The following CDK12 variants were observed in gnomAD, a reference collection of about 807,000 sequenced individuals.
CDK12 encodes cyclin dependent kinase 12, also known as cyclin-dependent kinase 12.
A neutral mutation model predicts 133.8 loss-of-function variants in CDK12; 17 were observed. The observed-to-expected ratio is 0.13, with a 90% CI of 0.09 to 0.19. The LOEUF is 0.19. Ranked by LOEUF, CDK12 falls within the 10% of genes least tolerant of loss-of-function variation. CDK12 has a pLI of 1.00. For synonymous variants in CDK12, 694 were observed against 683.6 expected (o/e 1.02, Z -0.24); for missense variants, 1,508 against 1,818.7 (o/e 0.83, Z 3.11).
chr17:39,528,111 G>C (rs1314847383), intron 13 of CDK12, among the ~76,000 whole-genome samples: 1 of 150,942 alleles, frequency 6.6e-6, no homozygotes, highest in Non-Finnish European at 1.5e-5. Flanking sequence ...GTAGAGATGG[G>C]GTTTCACTGT....
rs1259100559 is a variant in CDK12 at position 39,471,423 on chromosome 17, A to G, written c.1591A>G (p.Thr531Ala). The change falls in exon 2 of 14, where the codon ACA (threonine) becomes GCA (alanine). Residue 531 changes from threonine (T) to alanine (A), a missense_variant. Thr to Ala is a moderately conservative substitution (Grantham distance 58, BLOSUM62 0). Coordinates refer to ENST00000447079, the MANE Select transcript of CDK12 (RefSeq NM_016507.4). ...AAAGGAGACCCCTCCACCTCTTCCCACAATTGCTTCTCCCCCACCCCCTCT... is the reference window on the plus strand; with the variant it reads ...AAAGGAGACCCCTCCACCTCTTCCCGCAATTGCTTCTCCCCCACCCCCTCT... Reference protein sequence around the residue: ...SEKETPPPLPTIASPPPPLPT... With the variant: ...SEKETPPPLPAIASPPPPLPT... The G allele has an allele frequency of 7.4e-6, 12 of 1,613,426 alleles. No homozygotes were observed. The highest frequency in any genetic ancestry group is 9.3e-6 in the Non-Finnish European group (11 of 1,179,568).
At position 39,462,590 on chromosome 17, in the gene CDK12, A is replaced by G. The variant is rs755955758; in HGVS notation, c.519A>G (p.Glu173=). The change falls in exon 1 of 14, where the codon GAA becomes GAG. Residue 173 remains glutamate (E), a synonymous_variant. Transcript: ENST00000447079. ...AGGTAGCCAAAAGCAGCAGCAAGGA[A>G]TCCAGGTCATCCAAGCTCCACAAGG... ...KAQVAKSSSK[E]SRSSKLHKEK... 1.4e-5 allele frequency: 22 copies of G among 1,614,030 alleles called. No homozygotes were observed. Among genetic ancestry groups the G allele is most frequent in the East Asian group, 6.7e-5 (3 of 44,888 alleles).
chr17:39,481,667 TC>T (rs1567706376), intron 2 of CDK12, among the ~76,000 whole-genome samples: 1 of 14,088 alleles, frequency 7.1e-5, no homozygotes, highest in African/African-American at 1.6e-4. Flanking sequence ...TCTCTCTCTC[TC>T]TCTCTCTCTC....
intron 2 of CDK12, among the ~76,000 whole-genome samples, chr17:39,479,923 GCT>G (rs755980517): frequency 2.5e-5 from 1 of 40,370 alleles, no homozygotes; most frequent in Non-Finnish European, 4.6e-5. Flanking sequence ...CACTGCACTG[GCT>G]TTTTTTTTTT....
intron 2 of CDK12, among the ~76,000 whole-genome samples, chr17:39,482,435 A>G (rs2050785136): frequency 6.6e-6 from 1 of 151,836 alleles, no homozygotes; most frequent in Non-Finnish European, 1.5e-5. Flanking sequence ...GGATTTTCCT[A>G]GTAGAATGGG....
In CDK12 at chr17:39,462,333, G is replaced by T. The variant is rs2049015614; in HGVS notation, c.262G>T (p.Ala88Ser). The change falls in exon 1 of 14, where the codon GCC (alanine) becomes TCC (serine). Residue 88 changes from alanine (A) to serine (S), a missense_variant. By Grantham distance (99) the Ala-to-Ser change is moderately conservative. Coordinates refer to ENST00000447079, the MANE Select transcript of CDK12 (RefSeq NM_016507.4). ...SDSDTFSDDM[A>S]FKLDRRENDE... is the part of the protein sequence containing the mutation. ...TTCCGACACCTTCTCCGATGACATGGCCTTCAAACTAGACCGAAGGGAGAA... is the reference window on the plus strand; with the variant it reads ...TTCCGACACCTTCTCCGATGACATGTCCTTCAAACTAGACCGAAGGGAGAA... 6.2e-7 allele frequency: 1 copy of T among 1,614,210 alleles called. No individual in the cohort carries two copies. The highest frequency in any genetic ancestry group is 8.5e-7 in the Non-Finnish European group (1 of 1,180,050).
chr17:39,536,905 A>G (rs2055157977), downstream of CDK12, among the ~76,000 whole-genome samples: 1 of 152,208 alleles, frequency 6.6e-6, no homozygotes, highest in East Asian at 1.9e-4. Context: ...TATAGCCATG[A>G]AATAAATTTA....
Position 39,462,829 on chromosome 17 carries a change from C to G in CDK12, c.758C>G (p.Ser253Cys). ...GQDYDLSPSR[S>C]HTSSNYDSYK... ...GATTATGACCTTAGTCCCTCACGATCTCATACCTCGAGCAATTATGACTCC... is the reference window on the plus strand; with the variant it reads ...GATTATGACCTTAGTCCCTCACGATGTCATACCTCGAGCAATTATGACTCC... Residue 253 changes from serine to cysteine, a missense_variant, in exon 1 of 14, where the codon TCT becomes TGT. By Grantham distance (112) the Ser-to-Cys change is moderately radical. Coordinates refer to ENST00000447079, the MANE Select transcript of CDK12 (RefSeq NM_016507.4). The G allele has an allele frequency of 1.2e-6, 2 of 1,614,198 alleles. No homozygotes were observed. The highest frequency in any genetic ancestry group is 1.7e-6 in the Non-Finnish European group (2 of 1,180,032).
chr17:39,532,645 A>G lies in CDK12; in HGVS notation c.*1329A>G, dbSNP rs1392704581. On this transcript the variant is annotated 3_prime_UTR_variant, in exon 14 of 14. Transcript: ENST00000447079. ...CATACTGTGAGGAAGAACAGTATTG[A>G]CATACCCACATCCCAGCATGTGTAC... 4.3e-6 allele frequency: 1 copy of G among 232,622 alleles called. No homozygotes were observed. The highest frequency in any genetic ancestry group is 5.6e-5 in the Admixed American group (1 of 17,756). 14.4% of individuals were successfully genotyped at this position (232,622 alleles called of 1,614,324 possible).
At chr17:39,474,897 G>A (rs1039904567) in intron 2 of CDK12, among the ~76,000 whole-genome samples, 34 of 149,494 alleles carry the variant, frequency 2.3e-4, no homozygotes, top group Admixed American at 9.5e-4. Flanking sequence ...GCAATGGCGC[G>A]ATCTCAGCTC....
At chr17:39,552,273 G>T (rs1336775208) in intron 2 of CDK12, among the ~76,000 whole-genome samples, 1 of 152,306 alleles carries the variant, frequency 6.6e-6, no homozygotes, top group East Asian at 1.9e-4. Context: ...GTGTCAGCAG[G>T]GGAGGAAGGC....
rs1432633469 is a variant in CDK12, at chr17:39,461,981, G to A, written c.-91G>A. ...CACCCCCTTCCCGGGGCGCTTTGGTGGGCGTGGAGTTGGGGTTGGGGGGGT... is the reference window on the plus strand; with the variant it reads ...CACCCCCTTCCCGGGGCGCTTTGGTAGGCGTGGAGTTGGGGTTGGGGGGGT... On this transcript the variant is annotated 5_prime_UTR_variant, in exon 1 of 14. Coordinates refer to ENST00000447079, the MANE Select transcript of CDK12 (RefSeq NM_016507.4). 9.6e-6 allele frequency: 10 copies of A among 1,038,520 alleles called. No homozygotes were observed. Among genetic ancestry groups the A allele is most frequent in the Non-Finnish European group, 1.4e-5 (10 of 718,912 alleles). 64.3% of individuals were successfully genotyped at this position (1,038,520 alleles called of 1,614,324 possible). A position where few individuals can be genotyped will look rare whatever the true frequency, so the allele number is the denominator to read the frequency against.
intron 12 of CDK12, among the ~76,000 whole-genome samples, chr17:39,525,167 A>G (rs541547582): frequency 2.6e-5 from 4 of 152,308 alleles, no homozygotes; most frequent in African/African-American, 9.6e-5. Flanking sequence ...AGGTAAGCCA[A>G]ATTTAATTTA....
downstream of CDK12, among the ~76,000 whole-genome samples, chr17:39,565,446 T>TA (rs1555595528): frequency 1.4e-4 from 21 of 150,032 alleles, no homozygotes; most frequent in Non-Finnish European, 2.7e-4. Flanking sequence ...TTTGTTTGTT[T>TA]AAAAAAAACG....
chr17:39,555,882 CACAA>C (rs1301911663), intron 2 of CDK12, among the ~76,000 whole-genome samples: 97 of 113,840 alleles, frequency 8.5e-4, no homozygotes, highest in African/African-American at 3.1e-3. Flanking sequence ...CACACACACA[CACAA>C]AGCCAGGTGT....
At chr17:39,544,464 CTT>C, upstream of CDK12, 2 of 201,250 alleles carry the variant, frequency 9.9e-6, no homozygotes, top group Non-Finnish European at 9.4e-6. Flanking sequence ...AAGTTTCTTT[CTT>C]TTTTTTTTCT....
At chr17:39,541,503 T>C (rs1322731987) in intron 1 of CDK12, among the ~76,000 whole-genome samples, 3 of 152,098 alleles carry the variant, frequency 2.0e-5, no homozygotes, top group Admixed American at 6.5e-5. Flanking sequence ...TAGCTGGGAC[T>C]ACAGGCACCC....
At chr17:39,492,717 C>T in intron 3 of CDK12, 34 bp from the exon 4 acceptor site, 1 of 1,536,038 alleles carries the variant, frequency 6.5e-7, no homozygotes, top group Non-Finnish European at 8.8e-7. Context: ...CCTTCATTTT[C>T]TTAAATAACT....
chr17:39,564,369 T>C (rs990512280), intron 3 of CDK12, among the ~76,000 whole-genome samples: 1 of 152,164 alleles, frequency 6.6e-6, no homozygotes, highest in Non-Finnish European at 1.5e-5. Flanking sequence ...TGGGTTGCTA[T>C]GGAAACCAGG....
Sources: gnomAD v4.1 joint callset for allele counts (sites outside exome capture counted in the v4.1 genomes callset) on GRCh38, gnomAD v4.1.1 for gene constraint, MANE v1.5 for transcripts, NCBI Gene and HGNC (gene_info 2026-07-23, HGNC 2026-07-21) for gene names.